CREBBP: variants seen among roughly 807,000 people sequenced by gnomAD.
The protein encoded by CREBBP is CREB-binding protein.
In CREBBP, 19 loss-of-function variants were observed where a neutral mutation model predicts 265.0. The ratio of observed to expected loss-of-function variants is 0.07; its 90% confidence interval spans 0.05 to 0.11. The LOEUF (loss-of-function observed/expected upper bound fraction) is 0.11, where lower values mean the gene tolerates loss of function less well. Among genes scored for constraint, CREBBP ranks in the 10% least tolerant of loss-of-function variants. The pLI, the probability that CREBBP is intolerant of heterozygous loss-of-function variation, is 1.00. For synonymous variants in CREBBP, 1,457 were observed against 1,223.7 expected, an observed-to-expected ratio of 1.19 and a Z score of -3.98; for missense variants, 2,525 against 3,219.0, an observed-to-expected ratio of 0.78 and a Z score of 5.22.
intron 16 of CREBBP, among the ~76,000 whole-genome samples, chr16:3,766,062 G>A (rs2052844706): frequency 6.6e-6 from 1 of 151,224 alleles, no homozygotes; most frequent in African/African-American, 2.4e-5. Context: ...ATTTTTTTTT[G>A]ACACTGTATA....
At position 3,759,588 on chromosome 16, in the gene CREBBP, CA is replaced by C. The variant is rs879293877; in HGVS notation, c.3251-617del. On this transcript the variant is annotated intron_variant, in intron 16 of 30. Coordinates refer to ENST00000262367, the MANE Select transcript of CREBBP (RefSeq NM_004380.3). ...GACAACAAGAGCAAAACTCTGTCTC[CA>C]AAAAAAAAAGACCATTTCATTGGAA... Among the ~76,000 whole-genome samples, 97 of 129,414 alleles carry C rather than the reference CA, an allele frequency of 7.5e-4. 6 individuals are homozygous for C. The highest frequency in any genetic ancestry group is 3.0e-3 in the African/African-American group (83 of 27,280). The allele number at this position is 129,414 out of a possible 152,430, so 84.9% of individuals were successfully genotyped here. A position where few individuals can be genotyped will look rare whatever the true frequency, so the allele number is the denominator to read the frequency against.
intron 2 of CREBBP, among the ~76,000 whole-genome samples, chr16:3,819,862 C>A (rs2054108379): frequency 6.6e-6 from 1 of 152,114 alleles, no homozygotes; most frequent in Non-Finnish European, 1.5e-5. Flanking sequence ...AAAGAACACT[C>A]CCACGAAAAA....
chr16:3,792,804 C>G (rs529000840), intron 4 of CREBBP, among the ~76,000 whole-genome samples: 1 of 152,318 alleles, frequency 6.6e-6, no homozygotes, highest in Non-Finnish European at 1.5e-5. Flanking sequence ...AATGAGGTGT[C>G]TGCGGTAAAA....
chr16:3,763,156 A>C (rs1355789763), intron 16 of CREBBP, among the ~76,000 whole-genome samples: 1 of 151,928 alleles, frequency 6.6e-6, no homozygotes, highest in African/African-American at 2.4e-5. Context: ...TATTTCACCA[A>C]AACTGAAACC....
At chr16:3,855,419 C>T (rs546618919) in intron 1 of CREBBP, among the ~76,000 whole-genome samples, 3 of 152,256 alleles carry the variant, frequency 2.0e-5, no homozygotes, top group Admixed American at 6.5e-5. Flanking sequence ...CGTGCACCAC[C>T]GCACCCGGCT....
At chr16:3,737,351 G>A (rs1179964880) in intron 26 of CREBBP, among the ~76,000 whole-genome samples, 1 of 152,142 alleles carries the variant, frequency 6.6e-6, no homozygotes, top group Non-Finnish European at 1.5e-5. Flanking sequence ...TTTACACAAA[G>A]GATTCACAAA....
chr16:3,751,909 A>G (rs1481596011), intron 19 of CREBBP, 103 bp from the exon 20 acceptor site: 2 of 1,088,446 alleles, frequency 1.8e-6, no homozygotes, highest in Non-Finnish European at 2.8e-6. Context: ...ACCACGACGA[A>G]GGGGGGGCGT....
chr16:3,760,876 G>C (rs2052701148), intron 16 of CREBBP, among the ~76,000 whole-genome samples: 1 of 152,150 alleles, frequency 6.6e-6, no homozygotes, highest in Non-Finnish European at 1.5e-5. Context: ...GGCCTCAAGT[G>C]ATTCTCCTGC....
rs1280608629 is a variant in CREBBP, at chr16:3,770,741, AGGAGTCGGGGTG to A, written c.2697_2708del (p.Thr900_Pro903del). The A allele has an allele frequency of 1.9e-6, 3 of 1,613,978 alleles. No individual in the cohort carries two copies. Among genetic ancestry groups the A allele is most frequent in the Non-Finnish European group, 2.5e-6 (3 of 1,180,012 alleles). ...TTTGGGTAGCACTGGGCACTGAGCCAGGAGTCGGGGTGGGAGTCTGCCCGGAAGACGACACAG... is the reference window on the plus strand; with the variant it reads ...TTTGGGTAGCACTGGGCACTGAGCCAGGAGTCTGCCCGGAAGACGACACAG... On this transcript the variant is annotated inframe_deletion, in exon 14 of 31. Transcript: ENST00000262367.
At chr16:3,740,253 C>T (rs1180506967) in intron 24 of CREBBP, 146 bp downstream of exon 24, 3 of 886,808 alleles carry the variant, frequency 3.4e-6, no homozygotes, top group African/African-American at 3.3e-5. Flanking sequence ...GACAGGACAA[C>T]CGCAGCTGAG....
chr16:3,817,966 G>T (rs908614864), intron 2 of CREBBP, among the ~76,000 whole-genome samples: 6 of 152,162 alleles, frequency 3.9e-5, no homozygotes, highest in Non-Finnish European at 7.3e-5. Flanking sequence ...AGGGCAAGCT[G>T]GTTCCTCATC....
At position 3,843,423 on chromosome 16, in the gene CREBBP, A is replaced by ATTT. The variant is rs71133662; in HGVS notation, c.798+6871_798+6873dup. On this transcript the variant is annotated intron_variant, in intron 2 of 30. Transcript: ENST00000262367. ...GAAAATAGCAATAAAGTTGTCAAAG[A>ATTT]TTTTTTTTTTTTTTTTGAGTCAGAA... Among the ~76,000 whole-genome samples the ATTT allele has an allele frequency of 1.7e-4, 24 of 141,822 alleles. No individual in the cohort carries two copies. The South Asian group carries it at 1.8e-3, about 11-fold the overall frequency. 93.0% of individuals were successfully genotyped at this position (141,822 alleles called of 152,430 possible).
intron 22 of CREBBP, 98 bp from the exon 23 acceptor site, chr16:3,745,059 C>T: frequency 9.9e-7 from 1 of 1,006,000 alleles, no homozygotes; most frequent in Non-Finnish European, 1.6e-6. Flanking sequence ...CAGTTTAAAT[C>T]ACATTATTAT....
chr16:3,757,115 T>C (rs953278798), intron 19 of CREBBP, among the ~76,000 whole-genome samples, 173 bp downstream of exon 19: 1 of 152,140 alleles, frequency 6.6e-6, no homozygotes, highest in Non-Finnish European at 1.5e-5. Flanking sequence ...CTCAAGTGAT[T>C]CTCCCACCTC....
At chr16:3,760,416 T>G (rs930468114) in intron 16 of CREBBP, among the ~76,000 whole-genome samples, 16 of 131,780 alleles carry the variant, frequency 1.2e-4, no homozygotes, top group African/African-American at 4.7e-4. Flanking sequence ...TTTTTTTTTT[T>G]TTTTGAGACA....
In CREBBP at chr16:3,782,763, C is replaced by T. The variant is rs756308866; in HGVS notation, c.1494G>A (p.Thr498=). The change falls in exon 6 of 31, where the codon ACG becomes ACA. Residue 498 remains threonine, a synonymous_variant. Coordinates refer to ENST00000262367, the MANE Select transcript of CREBBP (RefSeq NM_004380.3). ...LGLPYMNQPQ[T]QLQPQVPGQQ... is the part of the protein sequence containing the mutation. ...GGCCAGGAACCTGAGGCTGCAGCTG[C>T]GTCTGGGGCTGGTTCATGTAGGGGA... is the stretch of plus-strand genomic sequence containing the variant. 15 of 1,614,110 alleles carry T rather than the reference C, an allele frequency of 9.3e-6. No homozygotes were observed. Among genetic ancestry groups the T allele is most frequent in the Non-Finnish European group, 1.1e-5 (13 of 1,180,032 alleles).
chr16:3,818,785 C>T (rs1467753529), intron 2 of CREBBP, among the ~76,000 whole-genome samples: 2 of 152,130 alleles, frequency 1.3e-5, no homozygotes, highest in African/African-American at 4.8e-5. Flanking sequence ...CAAAAACACA[C>T]AAAAAGGAAC....
intron 2 of CREBBP, among the ~76,000 whole-genome samples, chr16:3,848,370 A>G (rs551873897): frequency 6.6e-6 from 1 of 152,262 alleles, no homozygotes; most frequent in South Asian, 2.1e-4. Flanking sequence ...TTTCAGGGGG[A>G]CCATGATGTC....
Position 3,850,757 on chromosome 16 carries a change from G to T in CREBBP, c.338C>A (p.Ala113Asp). The T allele has an allele frequency of 6.2e-7, 1 of 1,614,054 alleles. No individual in the cohort carries two copies. ...GCTCTTGCCCATGGCACTGAGGCTGGCCATGTTAGCACTGTTCGGCTGCCC... is the reference window on the plus strand; with the variant it reads ...GCTCTTGCCCATGGCACTGAGGCTGTCCATGTTAGCACTGTTCGGCTGCCC... ...AQGQPNSANM[A>D]SLSAMGKSPL... The change falls in exon 2 of 31, where the codon GCC becomes GAC. Residue 113 changes from alanine (A) to aspartate (D), a missense_variant. Around this residue, in one of 19 missense-constraint regions of CREBBP, gnomAD observed 356 missense variants for 340.4 expected, o/e 1.05. Transcript: ENST00000262367.
Sources: allele counts gnomAD v4.1 joint callset (sites outside exome capture counted in the v4.1 genomes callset), GRCh38; gene constraint gnomAD v4.1.1; regional missense constraint gnomAD v4.1.1; transcripts MANE v1.5; gene names NCBI Gene and HGNC (gene_info 2026-07-23, HGNC 2026-07-21).